Variants in NXN observed in about 807,000 individuals in gnomAD.
NXN encodes nucleoredoxin 1.
NXN carries 16 observed loss-of-function variants against 48.6 expected under a neutral mutation model. The observed-to-expected ratio is 0.33, with a 90% CI of 0.22 to 0.50. NXN has a LOEUF of 0.50. NXN is among the 20% of genes least tolerant of loss of function. The pLI, the probability that NXN is intolerant of heterozygous loss-of-function variation, is 0.98. For synonymous variants in NXN, 281 were observed against 269.6 expected (o/e 1.04, Z -0.41); for missense variants, 492 against 605.5 (o/e 0.81, Z 1.97).
chr17:827,281 A>AC (rs1597635812), intron 1 of NXN, among the ~76,000 whole-genome samples: 1 of 151,796 alleles, frequency 6.6e-6, no homozygotes, highest in African/African-American at 2.4e-5. Context: ...GATCGAGACC[A>AC]TCCTGGCCAA....
intron 1 of NXN, among the ~76,000 whole-genome samples, chr17:972,806 T>G (rs958598267): frequency 2.6e-5 from 4 of 151,996 alleles, no homozygotes; most frequent in African/African-American, 9.7e-5. Context: ...CTGACGCGGG[T>G]GGATCACGAG....
chr17:814,240 T>TA (rs1421052140), intron 5 of NXN, among the ~76,000 whole-genome samples: 2 of 151,788 alleles, frequency 1.3e-5, no homozygotes, highest in Non-Finnish European at 2.9e-5. Flanking sequence ...GCCTGGGTGA[T>TA]AGAGTGAGAC....
chr17:974,526 C>T lies in NXN; in HGVS notation c.360+4793G>A, dbSNP rs572298604. On this transcript the variant is annotated intron_variant, in intron 1 of 7. Coordinates refer to ENST00000336868, the MANE Select transcript of NXN (RefSeq NM_022463.5). ...TTGAGCACTCACCACATGCCAGGCA[C>T]GTGTATATTATCTCGCGTAGCCTTT... Among the ~76,000 whole-genome samples, 213 of 152,062 alleles carry T rather than the reference C, an allele frequency of 1.4e-3. 1 individual carries two copies. The highest frequency in any genetic ancestry group is 4.3e-3 in the African/African-American group (180 of 41,490).
chr17:896,966 G>T, intron 1 of NXN: 1 of 1,194,510 alleles, frequency 8.4e-7, no homozygotes, highest in Middle Eastern at 2.3e-4. Flanking sequence ...CTGTTGCAGT[G>T]ACGCCTCTCC....
At chr17:895,094 G>A (rs2068463467) in intron 1 of NXN, among the ~76,000 whole-genome samples, 2 of 133,650 alleles carry the variant, frequency 1.5e-5, no homozygotes. Context: ...TCGGCTCACT[G>A]CAACCTCCGC....
intron 1 of NXN, among the ~76,000 whole-genome samples, chr17:885,266 GC>G (rs755898305): frequency 3.9e-4 from 60 of 152,196 alleles, no homozygotes; most frequent in Admixed American, 6.5e-4. Context: ...GTTGAGACCA[GC>G]CTGGCCAAGA....
rs1217815909 is a variant in NXN at position 885,258 on chromosome 17, TGAGACCAGCCTGGCCAA to T, written c.361-59197_361-59181del. ...ACGGGCGGATCACGAGGTCAGAGGT[TGAGACCAGCCTGGCCAA>T]GAGACCAGTCTGGCCAACATGGTGA... On this transcript the variant is annotated intron_variant, in intron 1 of 7. Transcript: ENST00000336868. Among the ~76,000 whole-genome samples, 3 of 152,186 alleles carry T rather than the reference TGAGACCAGCCTGGCCAA, an allele frequency of 2.0e-5. No homozygotes were observed. The East Asian group carries it at 5.8e-4, about 30-fold the overall frequency.
chr17:908,940 T>G (rs1401794920), intron 1 of NXN, among the ~76,000 whole-genome samples: 1 of 151,996 alleles, frequency 6.6e-6, no homozygotes, highest in Non-Finnish European at 1.5e-5. Flanking sequence ...CCGTCTCTAC[T>G]AAAACTACAA....
At chr17:942,762 CCA>C (rs1439712485) in intron 1 of NXN, among the ~76,000 whole-genome samples, 2 of 115,692 alleles carry the variant, frequency 1.7e-5, no homozygotes, top group African/African-American at 3.5e-5. Flanking sequence ...CATGAATTCA[CCA>C]AACACCTCCC....
At position 920,944 on chromosome 17, in the gene NXN, A is replaced by AACTCCTGACCTCAAGTGATCCTC. The variant is rs1302482270; in HGVS notation, c.360+58352_360+58374dup. Among the ~76,000 whole-genome samples the AACTCCTGACCTCAAGTGATCCTC allele has an allele frequency of 2.6e-5, 4 of 151,932 alleles. No individual in the cohort carries two copies. Among genetic ancestry groups the AACTCCTGACCTCAAGTGATCCTC allele is most frequent in the Non-Finnish European group, 5.9e-5 (4 of 68,006 alleles). Reference sequence around the variant, plus strand: ...TGCCATGTTAGCCAGGCTGGTCTTGAACTCCTGACCTCAAGTGATCCTCCC... The same window carrying AACTCCTGACCTCAAGTGATCCTC: ...TGCCATGTTAGCCAGGCTGGTCTTGAACTCCTGACCTCAAGTGATCCTCACTCCTGACCTCAAGTGATCCTCCC... On this transcript the variant is annotated intron_variant, in intron 1 of 7. Transcript: ENST00000336868. This position sits in a 1 kb window ranked among gnomAD's most constrained non-coding sequence, Gnocchi z 4.6.
intron 1 of NXN, among the ~76,000 whole-genome samples, chr17:946,141 C>A (rs11247567): frequency 0.23 from 34,543 of 148,094 alleles, 4,206 homozygotes; most frequent in East Asian, 0.36. Context: ...AAGACTATCT[C>A]TTTTTTTTTT....
intron 1 of NXN, among the ~76,000 whole-genome samples, chr17:925,665 A>G (rs1032892126): frequency 1.3e-5 from 2 of 152,218 alleles, no homozygotes; most frequent in Non-Finnish European, 2.9e-5. Context: ...CTGGGATGAC[A>G]GGCGTGAGCC....
rs947560400 is a variant in NXN at position 978,254 on chromosome 17, A to C, written c.360+1065T>G. On this transcript the variant is annotated intron_variant, in intron 1 of 7. Transcript: ENST00000336868. The surrounding 1 kb of genome is among the most constrained non-coding windows in gnomAD (Gnocchi z 4.1). ...GGGCTGGATTCACACGTTGCATCAT[A>C]TACACTCACGAAGCAACAGCGCTCC... is the stretch of plus-strand genomic sequence containing the variant. 6.6e-6 allele frequency: 1 copy of C among 152,210 alleles called. No homozygotes were observed. Among genetic ancestry groups the C allele is most frequent in the Non-Finnish European group, 1.5e-5 (1 of 68,052 alleles). 9.4% of individuals were successfully genotyped at this position (152,210 alleles called of 1,614,324 possible).
At chr17:921,661 A>C (rs1475749522) in intron 1 of NXN, among the ~76,000 whole-genome samples, 50 of 129,100 alleles carry the variant, frequency 3.9e-4, no homozygotes, top group South Asian at 7.8e-4. Flanking sequence ...AACACCTGGC[A>C]GGCCCAGGCT....
Position 976,035 on chromosome 17 carries a change from A to G in NXN, c.360+3284T>C, listed in dbSNP as rs2069453207. ...TTCTATTACCATCTAATTACAATTT[A>G]TGCACAGCTATATAATAATGTGTGT... On this transcript the variant is annotated intron_variant, in intron 1 of 7. Coordinates refer to ENST00000336868, the MANE Select transcript of NXN (RefSeq NM_022463.5). Among the ~76,000 whole-genome samples the G allele has an allele frequency of 2.6e-5, 4 of 152,360 alleles. No homozygotes were observed. In the South Asian group the frequency reaches 6.2e-4, roughly 24 times the overall value.
In NXN at chr17:898,985, C is replaced by G. The variant is rs529157961; in HGVS notation, c.361-72907G>C. On this transcript the variant is annotated intron_variant, in intron 1 of 7. Coordinates refer to ENST00000336868, the MANE Select transcript of NXN (RefSeq NM_022463.5). ...TTTTTTCTTTTTTTTTGAGACAGAG[C>G]CTTGCTCTGTCGCCCAGGCTGGAGT... 4.5e-3 allele frequency among the ~76,000 whole-genome samples: 99 copies of G among 21,918 alleles called. 41 individuals are homozygous for G. The highest frequency in any genetic ancestry group is 0.023 in the Non-Finnish European group (91 of 3,988). 14.4% of individuals were successfully genotyped at this position (21,918 alleles called of 152,430 possible).
rs1271520589 is a variant in NXN, at chr17:849,028, T to A, written c.361-22950A>T. On this transcript the variant is annotated intron_variant, in intron 1 of 7. Transcript: ENST00000336868. This position sits in a 1 kb window ranked among gnomAD's most constrained non-coding sequence, Gnocchi z 4.2. ...GTATGGGGTCAGATCAAGACAAAGG[T>A]CTTCGCCTTCGAGAAAGGAAGGGAG... is the stretch of plus-strand genomic sequence containing the variant. Among the ~76,000 whole-genome samples the A allele has an allele frequency of 6.6e-6, 1 of 152,100 alleles. No individual in the cohort carries two copies. The highest frequency in any genetic ancestry group is 1.5e-5 in the Non-Finnish European group (1 of 68,024).
At position 919,879 on chromosome 17, in the gene NXN, C is replaced by T. The variant is rs1171330008; in HGVS notation, c.360+59440G>A. Among the ~76,000 whole-genome samples, 1 of 152,128 alleles carries T rather than the reference C, an allele frequency of 6.6e-6. No homozygotes were observed. The highest frequency in any genetic ancestry group is 1.5e-5 in the Non-Finnish European group (1 of 68,024). ...CATAGCTACACCTCCCTCTTGTCAC[C>T]TTGCAGACTGGTATTCACTAACCCC... On this transcript the variant is annotated intron_variant, in intron 1 of 7. Transcript: ENST00000336868. The surrounding 1 kb of genome is among the most constrained non-coding windows in gnomAD (Gnocchi z 5.1).
chr17:810,177 C>G (rs78719911), intron 5 of NXN, among the ~76,000 whole-genome samples: 4,983 of 43,110 alleles, frequency 0.12, 632 homozygotes, highest in Middle Eastern at 0.2. Flanking sequence ...GAGTCTGTGA[C>G]TGGCGTGCAT....
Sources: gnomAD v4.1 joint callset for allele counts (sites outside exome capture counted in the v4.1 genomes callset) on GRCh38, gnomAD v4.1.1 for gene constraint, Gnocchi (gnomAD v3.1) non-coding constraint, MANE v1.5 for transcripts, NCBI Gene and HGNC (gene_info 2026-07-23, HGNC 2026-07-21) for gene names.